The following IL1R1 variants were observed in gnomAD, a reference collection of about 807,000 sequenced individuals.
IL1R1 encodes the protein interleukin 1 receptor type 1, also known as interleukin-1 receptor type 1.
In IL1R1, 22 loss-of-function variants were observed where a neutral mutation model predicts 50.2. The observed-to-expected ratio is 0.44, with a 90% CI of 0.31 to 0.63. The LOEUF is 0.63. Ranked by LOEUF, IL1R1 falls within the 20% of genes least tolerant of loss-of-function variation. The pLI is 0.07. For synonymous variants in IL1R1, 251 were observed against 236.7 expected, an observed-to-expected ratio of 1.06 and a Z score of -0.55; for missense variants, 509 against 676.2, an observed-to-expected ratio of 0.75 and a Z score of 2.74.
At chr2:102,142,150 G>C (rs1381881726), upstream of IL1R1, among the ~76,000 whole-genome samples, 2 of 152,172 alleles carry the variant, frequency 1.3e-5, no homozygotes, top group Non-Finnish European at 2.9e-5. Context: ...CAGATAACGC[G>C]TGAGTAGTAT....
intron 3 of IL1R1, among the ~76,000 whole-genome samples, chr2:102,161,850 C>A (rs1267117212): frequency 6.6e-6 from 1 of 151,978 alleles, no homozygotes; most frequent in African/African-American, 2.4e-5. Context: ...TGGGTGCCCA[C>A]CACCACACCT....
At chr2:102,129,460 G>T (rs527974833) in intron 1 of IL1R1, among the ~76,000 whole-genome samples, 1 of 152,290 alleles carries the variant, frequency 6.6e-6, no homozygotes, top group African/African-American at 2.4e-5. Flanking sequence ...ATTGAGCATA[G>T]GTCAGATGAC....
At position 102,092,019 on chromosome 2, in the gene IL1R1, G is replaced by A. The variant is rs59009597; in HGVS notation, c.-84+21486G>A. 7.7e-3 allele frequency among the ~76,000 whole-genome samples: 1,170 copies of A among 152,242 alleles called. 15 individuals carry two copies. The highest frequency in any genetic ancestry group is 0.027 in the African/African-American group (1,121 of 41,528). ...TATGTAATAACTTAAAGCTTCATGA[G>A]ATTTTACTCTGCCATTTCCAAAGCT... On this transcript the variant is annotated intron_variant, in intron 1 of 11. Transcript: ENST00000409929.
chr2:102,105,315 A>G (rs2104347583), intron 1 of IL1R1, among the ~76,000 whole-genome samples: 1 of 84,592 alleles, frequency 1.2e-5, no homozygotes, highest in Middle Eastern at 4.5e-3. Flanking sequence ...CTACAGTGTT[A>G]GAGAGGCATA....
At chr2:102,154,681 T>G (rs1684007264) in intron 2 of IL1R1, among the ~76,000 whole-genome samples, 1 of 152,186 alleles carries the variant, frequency 6.6e-6, no homozygotes. Flanking sequence ...GGCTCCCCTG[T>G]CTCCAGTTTA....
intron 11 of IL1R1, chr2:102,176,025 G>T: frequency 2.2e-6 from 1 of 448,830 alleles, no homozygotes; most frequent in Non-Finnish European, 3.9e-6. Context: ...TTTTGAGTTA[G>T]TCTATAAAAT....
At chr2:102,083,077 C>A (rs1208135881) in intron 1 of IL1R1, among the ~76,000 whole-genome samples, 1 of 152,144 alleles carries the variant, frequency 6.6e-6, no homozygotes, top group Non-Finnish European at 1.5e-5. Flanking sequence ...TGGCACGTGA[C>A]TTTGCACCCC....
At chr2:102,173,245 T>G (rs1380431203) in intron 9 of IL1R1, among the ~76,000 whole-genome samples, 1 of 152,218 alleles carries the variant, frequency 6.6e-6, no homozygotes, top group African/African-American at 2.4e-5. Flanking sequence ...ACATTGATGA[T>G]GCATAGGGTA....
chr2:102,114,845 C>A (rs189369453), intron 1 of IL1R1, among the ~76,000 whole-genome samples: 10 of 152,106 alleles, frequency 6.6e-5, no homozygotes, highest in Admixed American at 2.6e-4. Flanking sequence ...TAGTCTGGAA[C>A]TGATGTCCTG....
At chr2:102,161,185 C>A (rs2104553385) in intron 3 of IL1R1, among the ~76,000 whole-genome samples, 1 of 152,102 alleles carries the variant, frequency 6.6e-6, no homozygotes, top group East Asian at 1.9e-4. Flanking sequence ...TTTTTGATTT[C>A]TTTGACTCAT....
chr2:102,157,592 C>A, intron 2 of IL1R1, 127 bp from the exon 3 acceptor site: 2 of 673,000 alleles, frequency 3.0e-6, no homozygotes, highest in East Asian at 2.7e-5. Flanking sequence ...GTAGAAAAAC[C>A]AGTTCATCAG....
chr2:102,135,416 C>T (rs1414568065), intron 1 of IL1R1, among the ~76,000 whole-genome samples: 1 of 152,100 alleles, frequency 6.6e-6, no homozygotes, highest in Non-Finnish European at 1.5e-5. Flanking sequence ...CTCTGAAGCT[C>T]TTATATTTAT....
chr2:102,120,899 C>T (rs865823898), intron 1 of IL1R1, among the ~76,000 whole-genome samples: 40 of 152,146 alleles, frequency 2.6e-4, no homozygotes, highest in Admixed American at 1.2e-3. Flanking sequence ...AAATGAGTTC[C>T]GGCACATGTG....
At chr2:102,090,711 T>A (rs1008092406) in intron 1 of IL1R1, among the ~76,000 whole-genome samples, 44 of 152,238 alleles carry the variant, frequency 2.9e-4, no homozygotes, top group African/African-American at 1.0e-3. Context: ...GTTTAGTTCA[T>A]GTTTTTCTGC....
chr2:102,087,334 A>C (rs1679472953), intron 1 of IL1R1, among the ~76,000 whole-genome samples: 1 of 152,222 alleles, frequency 6.6e-6, no homozygotes, highest in Admixed American at 6.5e-5. Flanking sequence ...TGCCACAGCG[A>C]TCAACTCTTC....
At chr2:102,073,786 T>G (rs1199421601) in intron 1 of IL1R1, among the ~76,000 whole-genome samples, 1 of 151,972 alleles carries the variant, frequency 6.6e-6, no homozygotes, top group Admixed American at 6.6e-5. Flanking sequence ...GGTCAACAAA[T>G]CTCTAAGCTC....
chr2:102,109,827 C>T (rs1338846223), intron 1 of IL1R1, among the ~76,000 whole-genome samples: 1 of 152,158 alleles, frequency 6.6e-6, no homozygotes, highest in Non-Finnish European at 1.5e-5. Flanking sequence ...GGAACTCCAG[C>T]GAATGAGATG....
In IL1R1 at chr2:102,176,880, A is replaced by T; in HGVS notation, c.*121A>T. 1 of 948,990 alleles carries T rather than the reference A, an allele frequency of 1.1e-6. No individual in the cohort carries two copies. The highest frequency in any genetic ancestry group is 1.6e-6 in the Non-Finnish European group (1 of 621,668). 58.8% of individuals were successfully genotyped at this position (948,990 alleles called of 1,614,324 possible). ...GTAACTATATCATCCTTTATCCCTG[A>T]GGTCACCTGGAATCAGATTATTAAG... On this transcript the variant is annotated 3_prime_UTR_variant, in exon 12 of 12. Coordinates refer to ENST00000410023, the MANE Select transcript of IL1R1 (RefSeq NM_000877.4).
chr2:102,150,850 A>G (rs1048598833), intron 1 of IL1R1, among the ~76,000 whole-genome samples: 1 of 152,230 alleles, frequency 6.6e-6, no homozygotes, highest in African/African-American at 2.4e-5. Flanking sequence ...TTTCACACAT[A>G]ACATAGATAT....
Sources: allele counts gnomAD v4.1 joint callset (sites outside exome capture counted in the v4.1 genomes callset), GRCh38; gene constraint gnomAD v4.1.1; transcripts MANE v1.5; gene names NCBI Gene and HGNC (gene_info 2026-07-23, HGNC 2026-07-21).